Variants in NELL1 observed in about 807,000 individuals in gnomAD.
NELL1 encodes the protein protein kinase C-binding protein NELL1.
NELL1 carries 76 observed loss-of-function variants against 107.4 expected under a neutral mutation model. That is an observed-to-expected ratio of 0.71 (90% CI 0.59 to 0.86). NELL1 has a LOEUF of 0.86. Among genes scored for constraint, NELL1 ranks in the 40% least tolerant of loss-of-function variants. The pLI is 0.00. For synonymous variants in NELL1, 353 were observed against 341.2 expected, an observed-to-expected ratio of 1.03 and a Z score of -0.38; for missense variants, 1,024 against 1,005.5, an observed-to-expected ratio of 1.02 and a Z score of -0.25.
At chr11:21,227,800 A>G (rs995087042) in intron 13 of NELL1, among the ~76,000 whole-genome samples, 6 of 152,146 alleles carry the variant, frequency 3.9e-5, no homozygotes, top group African/African-American at 1.4e-4. Context: ...TAAAAATTTT[A>G]TTTGGAAAAT....
At chr11:20,821,353 C>T (rs1347733291) in intron 3 of NELL1, among the ~76,000 whole-genome samples, 2 of 152,138 alleles carry the variant, frequency 1.3e-5, no homozygotes, top group Non-Finnish European at 1.5e-5. Flanking sequence ...CTCTCAGGCT[C>T]CTACACTACA....
intron 10 of NELL1, among the ~76,000 whole-genome samples, chr11:20,942,868 T>C (rs1272220254): frequency 4.6e-5 from 7 of 152,170 alleles, no homozygotes; most frequent in Non-Finnish European, 1.0e-4. Context: ...GAATGGAAGC[T>C]GTGGGTGACT....
At chr11:21,121,385 A>G (rs1476587396) in intron 13 of NELL1, among the ~76,000 whole-genome samples, 2 of 152,124 alleles carry the variant, frequency 1.3e-5, no homozygotes, top group African/African-American at 4.8e-5. Context: ...TGGATAGACA[A>G]TGACTGTGAG....
intron 2 of NELL1, among the ~76,000 whole-genome samples, chr11:20,707,831 TC>T (rs1486114087): frequency 6.6e-6 from 1 of 152,184 alleles, no homozygotes; most frequent in East Asian, 1.9e-4. Context: ...CATTCTCAGA[TC>T]TCAAACTCCA....
chr11:21,574,353 A>T (rs1479093306), intron 19 of NELL1, among the ~76,000 whole-genome samples: 1 of 151,692 alleles, frequency 6.6e-6, no homozygotes, highest in Non-Finnish European at 1.5e-5. Context: ...TCCCATCTGT[A>T]CCTTCAGTCC....
intron 2 of NELL1, among the ~76,000 whole-genome samples, chr11:20,765,538 C>A (rs1040117979): frequency 5.9e-5 from 9 of 152,112 alleles, no homozygotes; most frequent in African/African-American, 2.2e-4. Context: ...AGGGAAATGA[C>A]GTTTCAGCTG....
At position 20,783,945 on chromosome 11, in the gene NELL1, T is replaced by C. The variant is rs528014879; in HGVS notation, c.335+115T>C. 215 of 978,448 alleles carry C rather than the reference T, an allele frequency of 2.2e-4. 1 individual carries two copies. The highest frequency in any genetic ancestry group is 2.8e-4 in the Non-Finnish European group (199 of 706,296). 60.6% of individuals were successfully genotyped at this position (978,448 alleles called of 1,614,324 possible). On this transcript the variant is annotated intron_variant, in intron 3 of 19. Transcript: ENST00000357134. ...AAACTTTCATCTAACTGAGGCCTCA[T>C]TTCTGTTGAACACATTCATGAATTT...
chr11:21,455,875 CTTT>C (rs59224815), intron 15 of NELL1, among the ~76,000 whole-genome samples: 34 of 144,082 alleles, frequency 2.4e-4, no homozygotes, highest in South Asian at 4.4e-4. Flanking sequence ...TCTTTCTTTT[CTTT>C]TTTTTTTTTT....
intron 5 of NELL1, among the ~76,000 whole-genome samples, chr11:20,911,173 G>A (rs1282266173): frequency 2.0e-5 from 3 of 152,140 alleles, no homozygotes; most frequent in African/African-American, 7.2e-5. Context: ...TCAAATACCT[G>A]GTACAGACAG....
intron 13 of NELL1, among the ~76,000 whole-genome samples, chr11:21,190,784 A>T (rs900789890): frequency 6.6e-6 from 1 of 151,932 alleles, no homozygotes; most frequent in Non-Finnish European, 1.5e-5. Flanking sequence ...CTGGGTGTCA[A>T]ATTTTCCTCA....
intron 15 of NELL1, among the ~76,000 whole-genome samples, chr11:21,418,732 T>C (rs534416376): frequency 3.3e-5 from 5 of 152,232 alleles, no homozygotes; most frequent in African/African-American, 9.6e-5. Flanking sequence ...TAGAAGTAAC[T>C]TGTATAATTT....
chr11:20,702,299 G>A (rs138467350), intron 2 of NELL1, among the ~76,000 whole-genome samples: 20,176 of 151,984 alleles, frequency 0.13, 1,702 homozygotes, highest in African/African-American at 0.23. Context: ...CTCATGATTT[G>A]GCTCTCTGTT....
intron 13 of NELL1, among the ~76,000 whole-genome samples, chr11:21,119,530 G>C (rs949617771): frequency 6.6e-6 from 1 of 152,058 alleles, no homozygotes; most frequent in Non-Finnish European, 1.5e-5. Context: ...ATGAGTATGT[G>C]TTATATATGG....
chr11:20,753,782 G>A (rs1301463897), intron 2 of NELL1, among the ~76,000 whole-genome samples: 1 of 152,086 alleles, frequency 6.6e-6, no homozygotes, highest in Non-Finnish European at 1.5e-5. Context: ...CTCTGTCTTG[G>A]GCTGGCTATA....
At chr11:20,686,517 A>G (rs185938909) in intron 2 of NELL1, among the ~76,000 whole-genome samples, 55 of 152,298 alleles carry the variant, frequency 3.6e-4, no homozygotes, top group African/African-American at 1.3e-3. Flanking sequence ...AGAGACTGTC[A>G]CTGCCGGGTG....
At chr11:21,011,143 A>G (rs966632260) in intron 12 of NELL1, among the ~76,000 whole-genome samples, 4 of 152,048 alleles carry the variant, frequency 2.6e-5, no homozygotes, top group Non-Finnish European at 5.9e-5. Flanking sequence ...TGGCAATTTT[A>G]TTTCCCCTAT....
At chr11:21,351,719 A>G (rs1590861403) in intron 14 of NELL1, among the ~76,000 whole-genome samples, 1 of 152,070 alleles carries the variant, frequency 6.6e-6, no homozygotes, top group East Asian at 1.9e-4. Context: ...TGAGGGGACC[A>G]TAAATTTCTC....
intron 14 of NELL1, among the ~76,000 whole-genome samples, chr11:21,292,101 A>G (rs1397375682): frequency 6.6e-6 from 1 of 152,150 alleles, no homozygotes. Context: ...GAAAGAAATA[A>G]AGTGTATTCA....
At chr11:21,337,817 C>CTTCT (rs200451507) in intron 14 of NELL1, among the ~76,000 whole-genome samples, 2,412 of 32,306 alleles carry the variant, frequency 0.075, 78 homozygotes, top group Non-Finnish European at 0.11. Context: ...TCTTGCTTTC[C>CTTCT]TTCTTTCTTT....
Sources: gnomAD v4.1 joint callset for allele counts (sites outside exome capture counted in the v4.1 genomes callset) on GRCh38, gnomAD v4.1.1 for gene constraint, MANE v1.5 for transcripts, NCBI Gene and HGNC (gene_info 2026-07-23, HGNC 2026-07-21) for gene names.